NOL12: variants seen among roughly 807,000 people sequenced by gnomAD.
NOL12 encodes the protein nucleolar protein 12.
In NOL12, 21 loss-of-function variants were observed where a neutral mutation model predicts 25.2. The observed-to-expected ratio is 0.83, with a 90% CI of 0.59 to 1.20. NOL12 has a LOEUF of 1.20. NOL12 is among the 50% of genes most tolerant of loss of function. The probability of loss-of-function intolerance (pLI) is 0.00; values close to 1 mark genes in which losing one functional copy is unlikely to be tolerated. For missense variants in NOL12, 286 were observed against 287.6 expected (o/e 0.99, Z 0.04); for synonymous variants, 133 against 113.8 (o/e 1.17, Z -1.08).
At chr22:37,688,740 C>T (rs1921929248) in intron 3 of NOL12, 110 bp from the exon 4 acceptor site, 20 of 1,090,910 alleles carry the variant, frequency 1.8e-5, no homozygotes, top group South Asian at 1.1e-4. Flanking sequence ...CTTGTGGATG[C>T]GCTCCACGTC....
chr22:37,689,904 G>T (rs1017707321), intron 4 of NOL12, among the ~76,000 whole-genome samples: 3 of 152,242 alleles, frequency 2.0e-5, no homozygotes, highest in East Asian at 3.9e-4. Context: ...AGGCGCAGTG[G>T]CTCATGCCTG....
chr22:37,686,681 A>G (rs1192546949), intron 1 of NOL12: 1 of 985,180 alleles, frequency 1.0e-6, no homozygotes, highest in Non-Finnish European at 1.2e-6. Flanking sequence ...CACCTCGCCT[A>G]GTGTCTGTGC....
intron 1 of NOL12, 109 bp downstream of exon 1, chr22:37,686,584 G>A (rs1020603303): frequency 7.1e-7 from 1 of 1,399,250 alleles, no homozygotes. Context: ...CCGCCCCCTG[G>A]CGTGGCTAGA....
At chr22:37,691,091 C>G in intron 5 of NOL12, 83 bp from the exon 6 acceptor site, 1 of 1,477,268 alleles carries the variant, frequency 6.8e-7, no homozygotes, top group Non-Finnish European at 9.2e-7. Flanking sequence ...CATTCGCAAC[C>G]TGTCCTGACA....
chr22:37,686,696 C>T, intron 1 of NOL12: 4 of 985,452 alleles, frequency 4.1e-6, no homozygotes, highest in Non-Finnish European at 4.8e-6. Context: ...CTGTGCGCCG[C>T]CAGATAGCCG....
intron 4 of NOL12, among the ~76,000 whole-genome samples, chr22:37,690,103 G>A (rs1231883839): frequency 6.6e-5 from 10 of 152,222 alleles, no homozygotes; most frequent in Non-Finnish European, 1.5e-4. Context: ...CCTGGGAGGT[G>A]GAGGTTGTGG....
At position 37,688,939 on chromosome 22, in the gene NOL12, A is replaced by G. The variant is rs901812627; in HGVS notation, c.328A>G (p.Ile110Val). ...HPNHTVTVTT[I>V]SDLDLSGARL... The stretch of plus-strand genomic sequence containing the variant: ...CAACCACACAGTCACCGTGACCACC[A>G]TCAGTGACCTGGACCTCTCGGGGGC... Residue 110 changes from isoleucine (I) to valine (V), a missense_variant, in exon 4 of 6, where the codon ATC (isoleucine) becomes GTC (valine). Coordinates refer to ENST00000359114, the MANE Select transcript of NOL12 (RefSeq NM_024313.3). 1.9e-6 allele frequency: 3 copies of G among 1,613,692 alleles called. No individual in the cohort carries two copies. The highest frequency in any genetic ancestry group is 2.5e-6 in the Non-Finnish European group (3 of 1,179,912).
rs745475829 is a variant in NOL12, at chr22:37,690,815, T to G, written c.479+21T>G. The G allele has an allele frequency of 4.7e-5, 73 of 1,560,740 alleles. No individual in the cohort carries two copies. In the South Asian group the frequency reaches 8.1e-4, roughly 17 times the overall value. On this transcript the variant is annotated intron_variant, in intron 5 of 5. Coordinates refer to ENST00000359114, the MANE Select transcript of NOL12 (RefSeq NM_024313.3). ...CAGCGGTGAGTCTTGGCCTGCTGCC[T>G]CCCCGGTCCCACCCCTCCTGGCTGG...
In NOL12 at chr22:37,692,619, T is replaced by C; in HGVS notation, c.*1283T>C. On this transcript the variant is annotated 3_prime_UTR_variant, in exon 6 of 6. Coordinates refer to ENST00000359114, the MANE Select transcript of NOL12 (RefSeq NM_024313.3). ...GACCACAAAGGGGAGTGAACTGTGT[T>C]CCCAGGGCTTGCTGACGCCCGTGGA... The C allele has an allele frequency of 2.5e-6, 1 of 398,740 alleles. No homozygotes were observed. The highest frequency in any genetic ancestry group is 4.4e-6 in the Non-Finnish European group (1 of 226,154). The allele number at this position is 398,740 out of a possible 1,614,324, so 24.7% of individuals were successfully genotyped here.
At chr22:37,689,069 A>G (rs368133434) in intron 4 of NOL12, 77 bp downstream of exon 4, 1 of 1,514,382 alleles carries the variant, frequency 6.6e-7, no homozygotes, top group African/African-American at 1.4e-5. Context: ...GTGCTGGCCC[A>G]TGTCATGGGT....
At chr22:37,689,954 C>T (rs192507109) in intron 4 of NOL12, among the ~76,000 whole-genome samples, 1 of 152,364 alleles carries the variant, frequency 6.6e-6, no homozygotes, top group East Asian at 1.9e-4. Context: ...GGCGAATCAC[C>T]TGAGGTTGGG....
rs201674848 is a variant in NOL12, at chr22:37,686,435, C to T, written c.43C>T (p.Arg15Trp). 3.1e-4 allele frequency: 498 copies of T among 1,605,178 alleles called. 1 individual carries two copies. Among genetic ancestry groups the T allele is most frequent in the Non-Finnish European group, 2.1e-4 (242 of 1,176,550 alleles). Residue 15 changes from arginine to tryptophan, a missense_variant, in exon 1 of 6, where the codon CGG (arginine) becomes TGG (tryptophan). Transcript: ENST00000359114. ...KKKKRDGDDR[R>W]PRLVLSFDEE... is the part of the protein sequence containing the mutation. ...GAAGAAGCGAGATGGTGACGACCGG[C>T]GGCCGAGGCTCGTTCTTAGCTTCGA...
intron 3 of NOL12, among the ~76,000 whole-genome samples, 170 bp downstream of exon 3, chr22:37,688,530 GAGA>G (rs1184867364): frequency 2.0e-5 from 3 of 152,176 alleles, no homozygotes; most frequent in Admixed American, 1.3e-4. Flanking sequence ...CAGAGACCAG[GAGA>G]AGGAGTCCCA....
At chr22:37,687,131 CTGGGGACA>C (rs1176542207) in intron 1 of NOL12, 1 of 977,146 alleles carries the variant, frequency 1.0e-6, no homozygotes, top group East Asian at 1.1e-4. Flanking sequence ...GTCAGGTGTC[CTGGGGACA>C]TGGGTGTTGG....
intron 1 of NOL12, chr22:37,687,258 G>GCCCCCCCCCCC (rs66493048): frequency 2.4e-4 from 35 of 148,766 alleles, no homozygotes; most frequent in Admixed American, 4.1e-4. Context: ...ACTGTGTGTG[G>GCCCCCCCCCCC]CCCCCCCCCC....
At chr22:37,689,298 A>C (rs1320751381) in intron 4 of NOL12, among the ~76,000 whole-genome samples, 6 of 152,204 alleles carry the variant, frequency 3.9e-5, no homozygotes, top group Non-Finnish European at 5.9e-5. Context: ...TTTCTCCATC[A>C]GTGAACTGGG....
chr22:37,688,090 C>A, intron 2 of NOL12, 75 bp downstream of exon 2: 4 of 1,310,964 alleles, frequency 3.1e-6, no homozygotes, highest in Non-Finnish European at 4.3e-6. Flanking sequence ...CTAATAGAGG[C>A]AGCTGCTGGC....
rs555278516 is a variant in NOL12, at chr22:37,691,664, G to A, written c.*328G>A. The A allele has an allele frequency of 1.4e-5, 4 of 280,834 alleles. No homozygotes were observed. Among genetic ancestry groups the A allele is most frequent in the East Asian group, 6.5e-5 (1 of 15,276 alleles). The allele number at this position is 280,834 out of a possible 1,614,324, so 17.4% of individuals were successfully genotyped here. On this transcript the variant is annotated 3_prime_UTR_variant, in exon 6 of 6. Coordinates refer to ENST00000359114, the MANE Select transcript of NOL12 (RefSeq NM_024313.3). ...GTGATTTGTTTGTCCTTGATACCAC[G>A]CACAAGGGCAGGTTTTTGGGGTGGT... is the stretch of plus-strand genomic sequence containing the variant.
chr22:37,691,086 G>A (rs1347007848), intron 5 of NOL12, 88 bp from the exon 6 acceptor site: 16 of 1,461,798 alleles, frequency 1.1e-5, no homozygotes, highest in East Asian at 7.0e-5. Flanking sequence ...CCTGGCATTC[G>A]CAACCTGTCC....
Sources: gnomAD v4.1 joint callset for allele counts (sites outside exome capture counted in the v4.1 genomes callset) on GRCh38, gnomAD v4.1.1 for gene constraint, MANE v1.5 for transcripts, NCBI Gene and HGNC (gene_info 2026-07-23, HGNC 2026-07-21) for gene names.